Variants in USP34 observed in about 807,000 individuals in gnomAD.
The protein encoded by USP34 is ubiquitin specific peptidase 34, also known as ubiquitin carboxyl-terminal hydrolase 34.
A neutral mutation model predicts 460.3 loss-of-function variants in USP34; 70 were observed. That is an observed-to-expected ratio of 0.15 (90% CI 0.13 to 0.19). USP34 has a LOEUF of 0.19. Ranked by LOEUF, USP34 falls within the 10% of genes least tolerant of loss-of-function variation. USP34 has a pLI of 1.00. For missense variants in USP34, 3,985 were observed against 4,236.2 expected (o/e 0.94, Z 1.65); for synonymous variants, 1,647 against 1,405.3 (o/e 1.17, Z -3.85).
chr2:61,188,525 G>C lies in USP34; in HGVS notation c.10218C>G (p.Ser3406=), dbSNP rs376914584. Residue 3406 remains serine, a synonymous_variant, in exon 80 of 80, where the codon TCC becomes TCG. Coordinates refer to ENST00000398571, the MANE Select transcript of USP34 (RefSeq NM_014709.4). ...IDPGTEQDLP[S]PENSSVKEYR... ...ATTCTTTAACAGAACTATTTTCAGG[G>C]GAAGGAAGATCTTGCTCAGTTCCTG... 16 of 1,614,050 alleles carry C rather than the reference G, an allele frequency of 9.9e-6. No homozygotes were observed. Among genetic ancestry groups the C allele is most frequent in the Non-Finnish European group, 1.4e-5 (16 of 1,180,036 alleles).
intron 1 of USP34, among the ~76,000 whole-genome samples, chr2:61,445,402 G>A (rs2441378): frequency 0.49 from 74,527 of 151,096 alleles, 18,769 homozygotes; most frequent in Middle Eastern, 0.58. Context: ...GGGCGTGGTG[G>A]CAAGCACCTG....
At chr2:61,399,143 A>G (rs1022322168) in intron 3 of USP34, among the ~76,000 whole-genome samples, 2 of 152,050 alleles carry the variant, frequency 1.3e-5, no homozygotes, top group Admixed American at 1.3e-4. Flanking sequence ...TCACGAGGTC[A>G]GGAGTTCAAG....
intron 1 of USP34, among the ~76,000 whole-genome samples, chr2:61,436,809 A>T (rs1694826922): frequency 1.3e-5 from 2 of 152,208 alleles, no homozygotes; most frequent in African/African-American, 4.8e-5. Context: ...TCTCAACCAA[A>T]TTTTAAAATA....
chr2:61,333,745 AATCT>A, intron 19 of USP34, 133 bp downstream of exon 19: 1 of 489,380 alleles, frequency 2.0e-6, no homozygotes, highest in Admixed American at 4.0e-5. Context: ...GTGGCAGAAA[AATCT>A]AAGAAAACAA....
At chr2:61,458,758 T>C (rs990090634) in intron 1 of USP34, among the ~76,000 whole-genome samples, 4 of 151,798 alleles carry the variant, frequency 2.6e-5, no homozygotes, top group African/African-American at 4.8e-5. Flanking sequence ...CAGGGCCCAC[T>C]TGAATCTTCC....
At chr2:61,263,011 G>A (rs375061248) in intron 43 of USP34, among the ~76,000 whole-genome samples, 3 of 151,320 alleles carry the variant, frequency 2.0e-5, no homozygotes, top group African/African-American at 7.3e-5. Context: ...CATGTCCTTT[G>A]TCCACTTTTT....
At chr2:61,461,078 C>A (rs1041133172) in intron 1 of USP34, among the ~76,000 whole-genome samples, 3 of 150,920 alleles carry the variant, frequency 2.0e-5, no homozygotes, top group Non-Finnish European at 2.9e-5. Flanking sequence ...AGAAAAAAAG[C>A]GAGCTTTGAA....
At chr2:61,201,284 C>T (rs1370196056) in intron 75 of USP34, among the ~76,000 whole-genome samples, 1 of 143,028 alleles carries the variant, frequency 7.0e-6, no homozygotes, top group African/African-American at 2.6e-5. Context: ...GGCTTGATCT[C>T]GGCTCACGGC....
At chr2:61,351,255 C>A (rs1483228702) in intron 10 of USP34, among the ~76,000 whole-genome samples, 1 of 152,082 alleles carries the variant, frequency 6.6e-6, no homozygotes, top group Non-Finnish European at 1.5e-5. Context: ...TAAATTATCA[C>A]AGGTGTGCCA....
At chr2:61,408,715 G>A (rs778983826) in intron 2 of USP34, among the ~76,000 whole-genome samples, 2 of 151,896 alleles carry the variant, frequency 1.3e-5, no homozygotes, top group African/African-American at 4.8e-5. Context: ...GGCCAACATG[G>A]TGAAACCTCT....
Position 61,406,074 on chromosome 2 carries a change from T to C in USP34, c.186A>G (p.Val62=). 6.2e-7 allele frequency: 1 copy of C among 1,613,146 alleles called. No individual in the cohort carries two copies. The highest frequency in any genetic ancestry group is 8.5e-7 in the Non-Finnish European group (1 of 1,179,806). The change falls in exon 3 of 80, where the codon GTA becomes GTG. Residue 62 remains valine, a synonymous_variant. Coordinates refer to ENST00000398571, the MANE Select transcript of USP34 (RefSeq NM_014709.4). ...TCACTAAGTTAATAAGTGCACACACTACTTGATTAAAAATCTCCAAATGCT... is the reference window on the plus strand; with the variant it reads ...TCACTAAGTTAATAAGTGCACACACCACTTGATTAAAAATCTCCAAATGCT... The part of the protein sequence containing the change: ...EYKHLEIFNQ[V]VCALINLVIA...
chr2:61,330,719 C>T (rs537135560), intron 20 of USP34, among the ~76,000 whole-genome samples: 1 of 152,164 alleles, frequency 6.6e-6, no homozygotes, highest in Non-Finnish European at 1.5e-5. Flanking sequence ...GCTTCAAATA[C>T]AGCTATACCA....
chr2:61,341,750 TCTTTC>T (rs1164357027), intron 16 of USP34, among the ~76,000 whole-genome samples: 2 of 145,076 alleles, frequency 1.4e-5, no homozygotes, highest in African/African-American at 2.5e-5. Context: ...CAGACTCAGG[TCTTTC>T]TTTTTTTTTT....
At chr2:61,294,892 G>T in intron 32 of USP34, 57 bp downstream of exon 32, 1 of 1,424,888 alleles carries the variant, frequency 7.0e-7, no homozygotes, top group South Asian at 1.3e-5. Context: ...ACCCACTTTT[G>T]AAAAACTGAA....
At position 61,420,840 on chromosome 2, in the gene USP34, T is replaced by TA. The variant is rs751233739; in HGVS notation, c.44-8dup. 1.9e-6 allele frequency: 3 copies of TA among 1,598,572 alleles called. No homozygotes were observed. The highest frequency in any genetic ancestry group is 4.5e-5 in the East Asian group (2 of 44,522). On this transcript the variant is annotated splice_polypyrimidine_tract_variant and splice_region_variant and intron_variant, in intron 1 of 79. Transcript: ENST00000398571. ...CCACCTTCTACATCTGATACTGAAA[T>TA]AAAAAAGAAATTTTAAAATTATGAA...
chr2:61,398,414 G>A (rs1182208810), intron 3 of USP34, among the ~76,000 whole-genome samples: 1 of 147,080 alleles, frequency 6.8e-6, no homozygotes, highest in Non-Finnish European at 1.5e-5. Context: ...AGGGAGAGAA[G>A]GGGGGTGAAA....
intron 44 of USP34, among the ~76,000 whole-genome samples, chr2:61,259,379 G>T (rs1422387833): frequency 1.3e-5 from 2 of 151,858 alleles, no homozygotes; most frequent in Non-Finnish European, 2.9e-5. Context: ...CACCTAATTT[G>T]TTTCCCTCCA....
chr2:61,250,062 A>G (rs1485390571), intron 48 of USP34, among the ~76,000 whole-genome samples: 2 of 152,200 alleles, frequency 1.3e-5, no homozygotes, highest in East Asian at 1.9e-4. Flanking sequence ...ATTCTGGCCA[A>G]CATGGCAAAA....
At position 61,214,307 on chromosome 2, in the gene USP34, C is replaced by G. The variant is rs996786351; in HGVS notation, c.8435G>C (p.Cys2812Ser). The G allele has an allele frequency of 1.2e-6, 2 of 1,614,068 alleles. No individual in the cohort carries two copies. Among genetic ancestry groups the G allele is most frequent in the Non-Finnish European group, 1.7e-6 (2 of 1,180,048 alleles). ...AACAATAAGGCGGATATTCTCTGGA[C>G]AGTCAGCACAGACATTGTACCAAAA... Reference protein sequence around the residue: ...LSFWYNVCADCPENIRLIVQN... With the variant: ...LSFWYNVCADSPENIRLIVQN... The change falls in exon 68 of 80, where the codon TGT (cysteine) becomes TCT (serine). Residue 2812 changes from cysteine (C) to serine (S), a missense_variant. Cys to Ser is a moderately radical substitution (Grantham distance 112). Coordinates refer to ENST00000398571, the MANE Select transcript of USP34 (RefSeq NM_014709.4).
Sources: allele counts gnomAD v4.1 joint callset (sites outside exome capture counted in the v4.1 genomes callset), GRCh38; gene constraint gnomAD v4.1.1; transcripts MANE v1.5; gene names NCBI Gene and HGNC (gene_info 2026-07-23, HGNC 2026-07-21).